Variants in METTL3 observed in about 807,000 individuals in gnomAD.
METTL3 encodes the protein N(6)-adenosine-methyltransferase catalytic subunit METTL3.
In METTL3, 42 loss-of-function variants were observed where a neutral mutation model predicts 64.3. That is an observed-to-expected ratio of 0.65 (90% CI 0.51 to 0.84). METTL3 has a LOEUF of 0.84. METTL3 is among the 40% of genes least tolerant of loss of function. METTL3 has a pLI of 0.00. For synonymous variants in METTL3, 256 were observed against 263.6 expected (o/e 0.97, Z 0.28); for missense variants, 435 against 722.3 (o/e 0.60, Z 4.56).
intron 1 of METTL3, among the ~76,000 whole-genome samples, chr14:21,506,262 C>T (rs947154573): frequency 2.6e-5 from 4 of 151,872 alleles, no homozygotes; most frequent in Non-Finnish European, 4.4e-5. Context: ...AGCATTAAAG[C>T]GGGGTCTCGG....
Position 21,500,565 on chromosome 14 carries a change from C to T in METTL3, c.1234G>A (p.Asp412Asn). 6.2e-7 allele frequency: 1 copy of T among 1,614,122 alleles called. No homozygotes were observed. Among genetic ancestry groups the T allele is most frequent in the Non-Finnish European group, 8.5e-7 (1 of 1,180,020 alleles). ...GGTATGTTGAGCCTGCGCATCTCAT[C>T]ATCTGTCAGGGTCCCATAGGGCAGT... is the stretch of plus-strand genomic sequence containing the variant. ...MELPYGTLTDDEMRRLNIPVL... is the reference protein window; with the variant it reads ...MELPYGTLTDNEMRRLNIPVL... The change falls in exon 6 of 11, where the codon GAT becomes AAT. Residue 412 changes from aspartate (D) to asparagine (N), a missense_variant. By Grantham distance (23) the Asp-to-Asn change is conservative. Around this residue, in one of 9 missense-constraint regions of METTL3, gnomAD observed 36 missense variants for 73.0 expected, o/e 0.49. Transcript: ENST00000298717.
Position 21,499,470 on chromosome 14 carries a change from A to C in METTL3, c.1452+22T>G, listed in dbSNP as rs372480303. On this transcript the variant is annotated intron_variant, in intron 8 of 10. Transcript: ENST00000298717. ...TTCTTCTTTGTGCTCCACCTATTGA[A>C]TTGGGCCCCACTGCTGCTCACCAAG... The C allele has an allele frequency of 2.5e-6, 4 of 1,609,970 alleles. No individual in the cohort carries two copies. In the African/African-American group the frequency reaches 5.3e-5, roughly 22 times the overall value.
chr14:21,501,608 C>A, intron 4 of METTL3, 120 bp downstream of exon 4: 1 of 1,309,256 alleles, frequency 7.6e-7, no homozygotes, highest in Non-Finnish European at 1.1e-6. Flanking sequence ...GTCTGGAGGA[C>A]TTACACAAAC....
intron 10 of METTL3, 105 bp downstream of exon 10, chr14:21,498,920 G>A (rs984611165): frequency 1.4e-5 from 10 of 735,638 alleles, no homozygotes; most frequent in Admixed American, 2.4e-5. Flanking sequence ...ATCCTGTGAA[G>A]CTCATTTATG....
In METTL3 at chr14:21,503,547, C is replaced by T. The variant is rs1193075329; in HGVS notation, c.349G>A (p.Glu117Lys). 6.2e-7 allele frequency: 1 copy of T among 1,612,622 alleles called. No individual in the cohort carries two copies. The change falls in exon 3 of 11, where the codon GAA becomes AAA. Residue 117 changes from glutamate (E) to lysine (K), a missense_variant. Glu to Lys is a moderately conservative substitution (Grantham distance 56). Transcript: ENST00000298717. Reference protein sequence around the residue: ...PDAPATQDGVESLLQKFAAQE... With the variant: ...PDAPATQDGVKSLLQKFAAQE... ...GCTGCAAACTTCTGCAGGAGGCTTT[C>T]TACCCCATCTTGAGTGGCAGGAGCA...
At chr14:21,502,970 C>T (rs534165349) in intron 3 of METTL3, 3 of 592,498 alleles carry the variant, frequency 5.1e-6, no homozygotes, top group African/African-American at 3.7e-5. Flanking sequence ...CCTCTACCCC[C>T]ACTAGATGCC....
chr14:21,508,235 C>T (rs1252944168), intron 1 of METTL3: 1 of 152,002 alleles, frequency 6.6e-6, no homozygotes, highest in Non-Finnish European at 1.5e-5. Flanking sequence ...TGAATTCCAG[C>T]CTGGGTAACA....
In METTL3 at chr14:21,503,437, G is replaced by C. The variant is rs1450825395; in HGVS notation, c.459C>G (p.Leu153=). ...CTGCCACAGCACCCATCATGGCAGA[G>C]AGCTTGGAATGGTCAGCATAGGTTA... ...TLVTYADHSK[L]SAMMGAVAEK... is the part of the protein sequence containing the mutation. Residue 153 remains leucine, a synonymous_variant, in exon 3 of 11, where the codon CTC becomes CTG. Transcript: ENST00000298717. 9 of 1,614,076 alleles carry C rather than the reference G, an allele frequency of 5.6e-6. No homozygotes were observed. Among genetic ancestry groups the C allele is most frequent in the African/African-American group, 4.0e-5 (3 of 75,036 alleles).
chr14:21,502,994 C>CGT, intron 3 of METTL3, 179 bp downstream of exon 3: 1 of 671,616 alleles, frequency 1.5e-6, no homozygotes, highest in Non-Finnish European at 2.5e-6. Context: ...AGCACTCCCC[C>CGT]ATGTGTGACA....
intron 7 of METTL3, 34 bp downstream of exon 7, chr14:21,499,730 A>G (rs1891509170): frequency 1.2e-6 from 2 of 1,603,704 alleles, no homozygotes; most frequent in African/African-American, 1.3e-5. Flanking sequence ...TAACAGTATT[A>G]CCCTCAAAAG....
chr14:21,499,634 C>T (rs760040385), intron 7 of METTL3, 34 bp from the exon 8 acceptor site: 1 of 1,599,626 alleles, frequency 6.3e-7, no homozygotes, highest in South Asian at 1.1e-5. Context: ...GAATTTTAGC[C>T]AAACTTTTAC....
intron 5 of METTL3, 28 bp downstream of exon 5, chr14:21,500,885 G>C (rs1477791177): frequency 6.3e-7 from 1 of 1,599,316 alleles, no homozygotes; most frequent in Non-Finnish European, 8.6e-7. Flanking sequence ...TCCGTAAGTT[G>C]AGACGAGTTT....
At chr14:21,499,721 AACAGTATT>A (rs762573119) in intron 7 of METTL3, 35 bp downstream of exon 7, 5 of 1,596,970 alleles carry the variant, frequency 3.1e-6, no homozygotes, top group Non-Finnish European at 4.3e-6. Flanking sequence ...ATCTCACTGT[AACAGTATT>A]ACCCTCAAAA....
At position 21,499,753 on chromosome 14, in the gene METTL3, C is replaced by T; in HGVS notation, c.1343+11G>A. On this transcript the variant is annotated intron_variant, in intron 7 of 10. Coordinates refer to ENST00000298717, the MANE Select transcript of METTL3 (RefSeq NM_019852.5). ...TTACCCTCAAAAGAAAGCAACACAA[C>T]CACTACTTACCCCCAGAGGTTTAGA... 6.2e-7 allele frequency: 1 copy of T among 1,612,396 alleles called. No homozygotes were observed. The highest frequency in any genetic ancestry group is 2.2e-5 in the East Asian group (1 of 44,874).
intron 1 of METTL3, 50 bp downstream of exon 1, chr14:21,511,074 C>T (rs1381176949): frequency 2.5e-6 from 4 of 1,594,722 alleles, no homozygotes; most frequent in East Asian, 4.5e-5. Context: ...TCTAGGGATC[C>T]CGCCCGTCCT....
rs1891609580 is a variant in METTL3 at position 21,503,102 on chromosome 14, AG to A, written c.723+70del. ...ACTGCTGTAAACAGTTCCTTGCCCT[AG>A]GGGTAAATCCCTGTCAAACAAAGCT... On this transcript the variant is annotated intron_variant, in intron 3 of 10. Coordinates refer to ENST00000298717, the MANE Select transcript of METTL3 (RefSeq NM_019852.5). 2.0e-6 allele frequency: 3 copies of A among 1,490,752 alleles called. No individual in the cohort carries two copies. The South Asian group carries it at 3.8e-5, about 19-fold the overall frequency. 92.3% of individuals were successfully genotyped at this position (1,490,752 alleles called of 1,614,324 possible).
At chr14:21,507,356 A>T (rs1891723212) in intron 1 of METTL3, among the ~76,000 whole-genome samples, 1 of 152,118 alleles carries the variant, frequency 6.6e-6, no homozygotes, top group African/African-American at 2.4e-5. Context: ...AGATTTCAGT[A>T]ATGCTGTAAA....
At chr14:21,509,469 T>C (rs1019530759) in intron 1 of METTL3, 3 of 152,012 alleles carry the variant, frequency 2.0e-5, no homozygotes, top group African/African-American at 7.2e-5. Flanking sequence ...ATAGGCTGGA[T>C]ATGGTGGCTC....
intron 6 of METTL3, 126 bp downstream of exon 6, chr14:21,500,369 A>C (rs1201553827): frequency 1.4e-6 from 1 of 734,356 alleles, no homozygotes; most frequent in East Asian, 3.4e-5. Context: ...CTCAAAAAAA[A>C]AGAAAAAAAG....
Sources: gnomAD v4.1 joint callset for allele counts (sites outside exome capture counted in the v4.1 genomes callset) on GRCh38, gnomAD v4.1.1 for gene constraint, gnomAD v4.1.1 regional missense constraint, MANE v1.5 for transcripts, NCBI Gene and HGNC (gene_info 2026-07-23, HGNC 2026-07-21) for gene names.